The following PDE3A variants were observed in gnomAD, a reference collection of about 807,000 sequenced individuals.
PDE3A encodes the protein cGMP-inhibited 3',5'-cyclic phosphodiesterase 3A.
A neutral mutation model predicts 98.3 loss-of-function variants in PDE3A; 43 were observed. That is an observed-to-expected ratio of 0.44 (90% CI 0.34 to 0.56). The LOEUF is 0.56. Ranked by LOEUF, PDE3A falls within the 20% of genes least tolerant of loss-of-function variation. The pLI, the probability that PDE3A is intolerant of heterozygous loss-of-function variation, is 0.01. For synonymous variants in PDE3A, 663 were observed against 567.9 expected, an observed-to-expected ratio of 1.17 and a Z score of -2.38; for missense variants, 1,427 against 1,440.7, an observed-to-expected ratio of 0.99 and a Z score of 0.15.
chr12:20,597,195 C>T (rs1001692811), intron 2 of PDE3A, among the ~76,000 whole-genome samples: 1 of 152,148 alleles, frequency 6.6e-6, no homozygotes, highest in African/African-American at 2.4e-5. Context: ...CCTACCTGCC[C>T]TATATGTAAA....
At chr12:20,469,922 T>C (rs1048086054) in intron 1 of PDE3A, among the ~76,000 whole-genome samples, 1 of 152,234 alleles carries the variant, frequency 6.6e-6, no homozygotes, top group African/African-American at 2.4e-5. Context: ...GATATTCCCA[T>C]GGCAGAACTG....
intron 1 of PDE3A, among the ~76,000 whole-genome samples, chr12:20,467,920 C>A (rs1480194540): frequency 4.9e-5 from 5 of 102,818 alleles, no homozygotes; most frequent in Non-Finnish European, 8.9e-5. Flanking sequence ...GGCGACAGAG[C>A]GAGACTCCTT....
intron 2 of PDE3A, among the ~76,000 whole-genome samples, chr12:20,600,130 T>G (rs947819625): frequency 2.0e-5 from 3 of 152,176 alleles, no homozygotes; most frequent in African/African-American, 7.2e-5. Flanking sequence ...CTCAGTATAC[T>G]CCTTTCTCTT....
intron 1 of PDE3A, among the ~76,000 whole-genome samples, chr12:20,446,761 G>A (rs1171627762): frequency 2.0e-5 from 3 of 152,126 alleles, no homozygotes; most frequent in Admixed American, 6.6e-5. Context: ...CAGACCGAGT[G>A]TTATCTATAG....
At chr12:20,535,348 T>A (rs895818705) in intron 1 of PDE3A, among the ~76,000 whole-genome samples, 2 of 152,180 alleles carry the variant, frequency 1.3e-5, no homozygotes, top group African/African-American at 4.8e-5. Context: ...TGTTTCCGTA[T>A]TTGTGAATTA....
chr12:20,623,133 G>T (rs549150755), intron 5 of PDE3A, among the ~76,000 whole-genome samples: 1 of 152,148 alleles, frequency 6.6e-6, no homozygotes, highest in Non-Finnish European at 1.5e-5. Context: ...ACTGAAGAAA[G>T]AATTATTAAA....
rs186036971 is a variant in PDE3A, at chr12:20,550,814, A to C, written c.961-5846A>C. 4.5e-3 allele frequency among the ~76,000 whole-genome samples: 681 copies of C among 152,100 alleles called. 7 individuals are homozygous for C. Among genetic ancestry groups the C allele is most frequent in the African/African-American group, 0.015 (642 of 41,558 alleles). ...AACATTTCACATGTTCTTTTTTATAAAGGCCTTGGAAGCCAAATTTTAATT... is the reference window on the plus strand; with the variant it reads ...AACATTTCACATGTTCTTTTTTATACAGGCCTTGGAAGCCAAATTTTAATT... On this transcript the variant is annotated intron_variant, in intron 1 of 15. Transcript: ENST00000359062.
chr12:20,427,755 G>T (rs1176988821), intron 1 of PDE3A, among the ~76,000 whole-genome samples: 1 of 151,900 alleles, frequency 6.6e-6, no homozygotes, highest in African/African-American at 2.4e-5. Flanking sequence ...AAGTAAAGAA[G>T]ATGATCTAAA....
intron 1 of PDE3A, among the ~76,000 whole-genome samples, chr12:20,490,654 A>G (rs1459676080): frequency 2.6e-5 from 4 of 152,210 alleles, no homozygotes; most frequent in Admixed American, 1.3e-4. Flanking sequence ...AACATCAGCA[A>G]TGTCCCAAAG....
chr12:20,617,545 AAATATTGATCATTGAC>A (rs1320964891), intron 4 of PDE3A, among the ~76,000 whole-genome samples: 1 of 152,164 alleles, frequency 6.6e-6, no homozygotes, highest in Non-Finnish European at 1.5e-5. Flanking sequence ...TTTTCTCTAA[AAATATTGATCATTGAC>A]AATTGCTACA....
chr12:20,413,610 T>C (rs1944371248), intron 1 of PDE3A, among the ~76,000 whole-genome samples: 1 of 151,976 alleles, frequency 6.6e-6, no homozygotes, highest in Admixed American at 6.6e-5. Context: ...GCTGGGAAAT[T>C]GTGGGAGCTG....
rs375331958 is a variant in PDE3A at position 20,678,248 on chromosome 12, T to C, written c.3185-1782T>C. On this transcript the variant is annotated intron_variant, in intron 15 of 15. Transcript: ENST00000359062. ...ATTTTAGGGAGCCTCTCTAGGCTCA[T>C]AGATGATGCTAGCTGAGCAGGCTGC... Among the ~76,000 whole-genome samples the C allele has an allele frequency of 1.2e-4, 18 of 152,352 alleles. 1 individual carries two copies. In the East Asian group the frequency reaches 1.3e-3, roughly 11 times the overall value.
chr12:20,410,266 A>G (rs1944309490), intron 1 of PDE3A, among the ~76,000 whole-genome samples: 1 of 152,096 alleles, frequency 6.6e-6, no homozygotes, highest in African/African-American at 2.4e-5. Context: ...TCTTGGCTGC[A>G]CTCAATTGTA....
At chr12:20,451,057 C>G (rs1945055243) in intron 1 of PDE3A, among the ~76,000 whole-genome samples, 1 of 152,108 alleles carries the variant, frequency 6.6e-6, no homozygotes, top group Non-Finnish European at 1.5e-5. Flanking sequence ...CTGTTTAAAT[C>G]TAGTAGTTAC....
At chr12:20,601,665 ATGTAAT>A (rs1393919780) in intron 2 of PDE3A, among the ~76,000 whole-genome samples, 2 of 152,200 alleles carry the variant, frequency 1.3e-5, no homozygotes, top group African/African-American at 4.8e-5. Flanking sequence ...ATCATTAATT[ATGTAAT>A]TGTAATTTCA....
intron 2 of PDE3A, among the ~76,000 whole-genome samples, chr12:20,606,567 A>G (rs969580420): frequency 6.6e-6 from 1 of 152,096 alleles, no homozygotes; most frequent in African/African-American, 2.4e-5. Context: ...AATAAAAATT[A>G]AAACAAATTG....
chr12:20,622,664 A>G (rs986467285), intron 5 of PDE3A, among the ~76,000 whole-genome samples: 2 of 152,156 alleles, frequency 1.3e-5, no homozygotes, highest in Non-Finnish European at 2.9e-5. Flanking sequence ...GAAGGCAAAT[A>G]CGGATTTGCT....
chr12:20,548,397 C>T (rs1942112697), intron 1 of PDE3A, among the ~76,000 whole-genome samples: 1 of 152,044 alleles, frequency 6.6e-6, no homozygotes, highest in Non-Finnish European at 1.5e-5. Context: ...GAGGAGTAAT[C>T]ATAAACTAGC....
intron 1 of PDE3A, among the ~76,000 whole-genome samples, chr12:20,448,290 AATTAG>A (rs1944994893): frequency 6.6e-6 from 1 of 152,120 alleles, no homozygotes; most frequent in African/African-American, 2.4e-5. Context: ...AACTACCAAA[AATTAG>A]CCGGGCGTAG....
Sources: gnomAD v4.1 joint callset for allele counts (sites outside exome capture counted in the v4.1 genomes callset) on GRCh38, gnomAD v4.1.1 for gene constraint, MANE v1.5 for transcripts, NCBI Gene and HGNC (gene_info 2026-07-23, HGNC 2026-07-21) for gene names.